The following SPIRE2 variants were observed in gnomAD, a reference collection of about 807,000 sequenced individuals.
SPIRE2 encodes the protein protein spire homolog 2.
A neutral mutation model predicts 80.7 loss-of-function variants in SPIRE2; 76 were observed. That is an observed-to-expected ratio of 0.94 (90% CI 0.78 to 1.14). The LOEUF (loss-of-function observed/expected upper bound fraction) is 1.14. Among genes scored for constraint, SPIRE2 ranks in the 50% most tolerant of loss-of-function variants. SPIRE2 has a pLI of 0.00. For missense variants in SPIRE2, 1,196 were observed against 1,015.3 expected, an observed-to-expected ratio of 1.18 and a Z score of -2.42; for synonymous variants, 535 against 432.6, an observed-to-expected ratio of 1.24 and a Z score of -2.94.
intron 1 of SPIRE2, among the ~76,000 whole-genome samples, chr16:89,833,571 C>T (rs796536694): frequency 7.2e-5 from 11 of 152,374 alleles, no homozygotes; most frequent in Non-Finnish European, 1.3e-4. Context: ...CTCAGGCCTA[C>T]GGCCTGCTGG....
At chr16:89,856,701 C>T (rs1052554795) in intron 7 of SPIRE2, among the ~76,000 whole-genome samples, 1 of 149,008 alleles carries the variant, frequency 6.7e-6, no homozygotes. Context: ...CTCAAGTGAT[C>T]TGCCTGCCTT....
chr16:89,865,004 C>CTTTTTTTTT (rs398042284), intron 12 of SPIRE2, among the ~76,000 whole-genome samples: 1 of 125,364 alleles, frequency 8.0e-6, no homozygotes, highest in African/African-American at 2.9e-5. Context: ...ACTTTTTTTC[C>CTTTTTTTTT]TTTTTTTTTT....
intron 7 of SPIRE2, among the ~76,000 whole-genome samples, chr16:89,857,013 C>T (rs551088335): frequency 6.6e-6 from 1 of 150,494 alleles, no homozygotes; most frequent in Non-Finnish European, 1.5e-5. Context: ...CCGAAGTGAC[C>T]CATGATTGCA....
chr16:89,831,866 G>C (rs920189351), intron 1 of SPIRE2, among the ~76,000 whole-genome samples: 1 of 149,504 alleles, frequency 6.7e-6, no homozygotes, highest in Non-Finnish European at 1.5e-5. Context: ...GGGTTCTGCT[G>C]TTTCGCAGCC....
chr16:89,840,109 G>A (rs1040703839), intron 1 of SPIRE2, among the ~76,000 whole-genome samples: 1 of 152,120 alleles, frequency 6.6e-6, no homozygotes, highest in African/African-American at 2.4e-5. Flanking sequence ...AGCAGATGGA[G>A]GCTGAGGCTG....
intron 1 of SPIRE2, among the ~76,000 whole-genome samples, chr16:89,830,908 C>CTTTT (rs146029809): frequency 6.0e-5 from 7 of 117,342 alleles, no homozygotes; most frequent in African/African-American, 1.3e-4. Flanking sequence ...TGCTTAGAAT[C>CTTTT]TTTTTTTTTT....
At position 89,854,520 on chromosome 16, in the gene SPIRE2, C is replaced by T. The variant is rs1296868495; in HGVS notation, c.760C>T (p.Arg254Cys). The change falls in exon 5 of 15, where the codon CGC becomes TGC. Residue 254 changes from arginine (R) to cysteine (C), a missense_variant. Arg to Cys is a radical substitution (Grantham distance 180). Coordinates refer to ENST00000378247, the MANE Select transcript of SPIRE2 (RefSeq NM_032451.2). Reference sequence around the variant, plus strand: ...GTGGGTTCAGCTCATGCGGGAGCTCCGCCGCGGAGTGAAGCTGAAGAAGGT... The same window carrying T: ...GTGGGTTCAGCTCATGCGGGAGCTCTGCCGCGGAGTGAAGCTGAAGAAGGT... ...RLWVQLMRELRRGVKLKKVQE... is the reference protein window; with the variant it reads ...RLWVQLMRELCRGVKLKKVQE... The T allele has an allele frequency of 1.6e-5, 26 of 1,612,542 alleles. No homozygotes were observed. The highest frequency in any genetic ancestry group is 1.6e-4 in the Middle Eastern group (1 of 6,084).
chr16:89,845,095 G>A (rs2041545260), intron 1 of SPIRE2, among the ~76,000 whole-genome samples: 1 of 152,174 alleles, frequency 6.6e-6, no homozygotes, highest in African/African-American at 2.4e-5. Flanking sequence ...GGGTTGCCTT[G>A]CTCTCCCGGC....
At chr16:89,865,518 T>C (rs747487112) in intron 12 of SPIRE2, among the ~76,000 whole-genome samples, 6 of 151,230 alleles carry the variant, frequency 4.0e-5, no homozygotes, top group Non-Finnish European at 8.8e-5. Flanking sequence ...CAGTAATTAA[T>C]CCAAAAAAAG....
At chr16:89,851,335 C>T (rs2041625714) in intron 3 of SPIRE2, among the ~76,000 whole-genome samples, 2 of 152,226 alleles carry the variant, frequency 1.3e-5, no homozygotes, top group Admixed American at 6.5e-5. Flanking sequence ...GTGGCCCCCT[C>T]TATACGCAGG....
intron 10 of SPIRE2, chr16:89,862,379 A>T (rs1466903725): frequency 1.3e-5 from 2 of 150,698 alleles, no homozygotes; most frequent in Non-Finnish European, 2.9e-5. Context: ...TAGAGGACAC[A>T]TTTAAGATGA....
intron 12 of SPIRE2, among the ~76,000 whole-genome samples, chr16:89,865,746 A>T (rs972294948): frequency 6.6e-6 from 1 of 152,062 alleles, no homozygotes; most frequent in African/African-American, 2.4e-5. Flanking sequence ...ACGCTGGCAG[A>T]TCACGAGGTC....
At chr16:89,869,051 A>ATAT (rs1179428409) in intron 13 of SPIRE2, among the ~76,000 whole-genome samples, 2 of 30,578 alleles carry the variant, frequency 6.5e-5, no homozygotes, top group Non-Finnish European at 1.0e-4. Context: ...AAAAAAAAAA[A>ATAT]AAATATATAT....
intron 7 of SPIRE2, among the ~76,000 whole-genome samples, chr16:89,857,442 G>A (rs2041701285): frequency 6.6e-6 from 1 of 151,788 alleles, no homozygotes; most frequent in African/African-American, 2.4e-5. Flanking sequence ...TGCCTAACAT[G>A]ATCTTATACC....
intron 3 of SPIRE2, among the ~76,000 whole-genome samples, chr16:89,853,037 CCTCT>C (rs1399203983): frequency 1.5e-4 from 23 of 152,068 alleles, no homozygotes; most frequent in African/African-American, 5.1e-4. Flanking sequence ...CATCTTCCGT[CCTCT>C]CTCTCAGCTC....
chr16:89,838,205 C>T (rs1286103359), intron 1 of SPIRE2, among the ~76,000 whole-genome samples: 2 of 128,708 alleles, frequency 1.6e-5, no homozygotes, highest in Non-Finnish European at 3.1e-5. Flanking sequence ...TTAAGAGAGA[C>T]GGGATCTTAC....
chr16:89,865,221 T>C (rs2041779029), intron 12 of SPIRE2, among the ~76,000 whole-genome samples: 1 of 152,158 alleles, frequency 6.6e-6, no homozygotes, highest in South Asian at 2.1e-4. Context: ...TTAGCCAGGA[T>C]GGTCTCGATC....
intron 1 of SPIRE2, among the ~76,000 whole-genome samples, chr16:89,839,175 A>G (rs1486089881): frequency 2.0e-5 from 3 of 152,054 alleles, no homozygotes; most frequent in Non-Finnish European, 2.9e-5. Flanking sequence ...CCCCATCTCT[A>G]AAAATACAAA....
chr16:89,837,961 C>G (rs1183400892), intron 1 of SPIRE2, among the ~76,000 whole-genome samples: 1 of 152,082 alleles, frequency 6.6e-6, no homozygotes, highest in Non-Finnish European at 1.5e-5. Flanking sequence ...TTCGTGCGGG[C>G]GTTTCTCCCT....
Sources: gnomAD v4.1 joint callset for allele counts (sites outside exome capture counted in the v4.1 genomes callset) on GRCh38, gnomAD v4.1.1 for gene constraint, MANE v1.5 for transcripts, NCBI Gene and HGNC (gene_info 2026-07-23, HGNC 2026-07-21) for gene names.